Variants in ADAM32 observed in about 807,000 individuals in gnomAD.
ADAM32 encodes the protein disintegrin and metalloproteinase domain-containing protein 32.
A neutral mutation model predicts 114.9 loss-of-function variants in ADAM32; 89 were observed. The observed-to-expected ratio is 0.77, with a 90% CI of 0.65 to 0.92. ADAM32 has a LOEUF of 0.92. Ranked by LOEUF, ADAM32 falls within the 40% of genes least tolerant of loss-of-function variation. The pLI is 0.00. For missense variants in ADAM32, 870 were observed against 932.8 expected, an observed-to-expected ratio of 0.93 and a Z score of 0.88; for synonymous variants, 285 against 307.5, an observed-to-expected ratio of 0.93 and a Z score of 0.77.
At chr8:39,284,053 C>T (rs563100596) in intron 24 of ADAM32, among the ~76,000 whole-genome samples, 2 of 152,122 alleles carry the variant, frequency 1.3e-5, no homozygotes, top group Non-Finnish European at 2.9e-5. Context: ...GGATTACAGG[C>T]GTGAGCCATC....
intron 12 of ADAM32, among the ~76,000 whole-genome samples, chr8:39,215,846 G>GA (rs1808519365): frequency 6.6e-6 from 1 of 151,958 alleles, no homozygotes; most frequent in Admixed American, 6.6e-5. Context: ...ATGTTCTGAA[G>GA]AAAAGAATGT....
intron 3 of ADAM32, 79 bp downstream of exon 3, chr8:39,136,797 G>T (rs1802833769): frequency 2.2e-6 from 2 of 924,040 alleles, no homozygotes; most frequent in African/African-American, 1.8e-5. Context: ...TGGAGTATGA[G>T]AAAAATACAT....
chr8:39,264,057 CCCTT>C (rs1812206905), intron 19 of ADAM32, among the ~76,000 whole-genome samples: 2 of 152,120 alleles, frequency 1.3e-5, no homozygotes, highest in Admixed American at 1.3e-4. Context: ...CTTTGTAATT[CCCTT>C]CCTTAGCCTT....
chr8:39,226,666 G>A (rs945940490), intron 14 of ADAM32, among the ~76,000 whole-genome samples: 1 of 151,520 alleles, frequency 6.6e-6, no homozygotes, highest in African/African-American at 2.4e-5. Flanking sequence ...TACTTTATCT[G>A]GCAAAGCTCT....
At chr8:39,200,123 T>G (rs1807298159) in intron 11 of ADAM32, among the ~76,000 whole-genome samples, 1 of 152,224 alleles carries the variant, frequency 6.6e-6, no homozygotes, top group African/African-American at 2.4e-5. Context: ...TTATAATCCT[T>G]TGGGTATATA....
intron 6 of ADAM32, among the ~76,000 whole-genome samples, chr8:39,155,191 A>C (rs1804069077): frequency 6.6e-6 from 1 of 152,232 alleles, no homozygotes; most frequent in African/African-American, 2.4e-5. Context: ...CTCTGGCATC[A>C]CTCCTATTCA....
chr8:39,172,709 A>G (rs1245180819), intron 10 of ADAM32, among the ~76,000 whole-genome samples: 1 of 152,142 alleles, frequency 6.6e-6, no homozygotes, highest in Non-Finnish European at 1.5e-5. Context: ...TCACATTTAT[A>G]TATGTATCAC....
chr8:39,284,616 G>A lies in ADAM32; in HGVS notation c.2358-177G>A, dbSNP rs1225567570. Among the ~76,000 whole-genome samples, 13 of 152,078 alleles carry A rather than the reference G, an allele frequency of 8.5e-5. No homozygotes were observed. The East Asian group carries it at 2.3e-3, about 27-fold the overall frequency. ...CTCAGAAATCAAAGAAAAGCATAAA[G>A]TAAATAAGTGGCTCATGGTTAAATA... On this transcript the variant is annotated intron_variant, in intron 24 of 24. Coordinates refer to ENST00000379907, the MANE Select transcript of ADAM32 (RefSeq NM_145004.7).
At chr8:39,221,797 A>C in intron 13 of ADAM32, 95 bp downstream of exon 13, 1 of 695,224 alleles carries the variant, frequency 1.4e-6, no homozygotes, top group Non-Finnish European at 2.2e-6. Context: ...TACATCAATT[A>C]AATTACTTTT....
chr8:39,129,888 T>G (rs1229187882), intron 2 of ADAM32: 1 of 422,518 alleles, frequency 2.4e-6, no homozygotes, highest in Non-Finnish European at 4.7e-6. Flanking sequence ...ACTTGTTTCT[T>G]TTTAGAAATT....
intron 17 of ADAM32, among the ~76,000 whole-genome samples, chr8:39,251,648 T>A (rs1270770369): frequency 6.6e-6 from 1 of 151,936 alleles, no homozygotes; most frequent in Non-Finnish European, 1.5e-5. Context: ...TTGGAAATAT[T>A]TTCTTTTATT....
At chr8:39,179,559 G>T (rs1805723564) in intron 10 of ADAM32, among the ~76,000 whole-genome samples, 1 of 152,150 alleles carries the variant, frequency 6.6e-6, no homozygotes, top group South Asian at 2.1e-4. Flanking sequence ...CTGTGCTTTG[G>T]ACCCAAGGCC....
chr8:39,219,449 T>G (rs1232809461), intron 12 of ADAM32, among the ~76,000 whole-genome samples: 1 of 152,210 alleles, frequency 6.6e-6, no homozygotes, highest in African/African-American at 2.4e-5. Flanking sequence ...AGAAGGATGA[T>G]TCCCCTCTGG....
chr8:39,225,139 A>G lies in ADAM32; in HGVS notation c.1525+1901A>G, dbSNP rs556886952. Reference sequence around the variant, plus strand: ...TACTATTTTATAGCTCTGGGACTTGAGTGACTACCCCTCCCAACCCTGTGC... The same window carrying G: ...TACTATTTTATAGCTCTGGGACTTGGGTGACTACCCCTCCCAACCCTGTGC... On this transcript the variant is annotated intron_variant, in intron 14 of 24. Coordinates refer to ENST00000379907, the MANE Select transcript of ADAM32 (RefSeq NM_145004.7). Among the ~76,000 whole-genome samples the G allele has an allele frequency of 2.0e-5, 3 of 152,272 alleles. No individual in the cohort carries two copies. In the East Asian group the frequency reaches 5.8e-4, roughly 29 times the overall value.
chr8:39,151,232 G>T, intron 5 of ADAM32, 145 bp from the exon 6 acceptor site: 2 of 626,606 alleles, frequency 3.2e-6, no homozygotes, highest in Non-Finnish European at 5.0e-6. Flanking sequence ...GAAATCTTTT[G>T]TCTCTTCAGA....
In ADAM32 at chr8:39,257,328, A is replaced by T. The variant is rs369133947; in HGVS notation, c.2147A>T (p.Glu716Val). 4.3e-6 allele frequency: 7 copies of T among 1,613,128 alleles called. No individual in the cohort carries two copies. In the African/African-American group the frequency reaches 9.3e-5, roughly 22 times the overall value. The change falls in exon 19 of 25, where the codon GAA (glutamate) becomes GTA (valine). Residue 716 changes from glutamate to valine, a missense_variant. By Grantham distance (121) the Glu-to-Val change is moderately radical. Transcript: ENST00000379907. ...QLKKWFAKEE[E>V]FPSSESKSEG... ...AAAAAGTGGTTCGCCAAGGAAGAGG[A>T]ATTCCCAAGTAGCGAGTAAATTGCA...
intron 19 of ADAM32, 42 bp downstream of exon 19, chr8:39,257,385 T>A (rs1447521633): frequency 6.2e-7 from 1 of 1,603,388 alleles, no homozygotes; most frequent in African/African-American, 1.3e-5. Context: ...TTAGTACCAT[T>A]TGAATCTAGT....
chr8:39,235,565 T>G (rs1810077552), intron 16 of ADAM32, among the ~76,000 whole-genome samples: 2 of 152,200 alleles, frequency 1.3e-5, no homozygotes, highest in Non-Finnish European at 2.9e-5. Flanking sequence ...ATTTGATAAG[T>G]AATTTAATAA....
intron 12 of ADAM32, among the ~76,000 whole-genome samples, chr8:39,217,842 T>C (rs778325777): frequency 6.6e-6 from 1 of 152,270 alleles, no homozygotes; most frequent in Non-Finnish European, 1.5e-5. Flanking sequence ...GTCACATATC[T>C]CTGTTTCTCC....
Sources: gnomAD v4.1 joint callset for allele counts (sites outside exome capture counted in the v4.1 genomes callset) on GRCh38, gnomAD v4.1.1 for gene constraint, MANE v1.5 for transcripts, NCBI Gene and HGNC (gene_info 2026-07-23, HGNC 2026-07-21) for gene names.